Variants in RYR2 observed in about 807,000 individuals in gnomAD.
RYR2 encodes the protein ryanodine receptor 2, also known as cardiac muscle ryanodine receptor-calcium release channel.
In RYR2, 227 loss-of-function variants were observed where a neutral mutation model predicts 601.1. The observed-to-expected ratio is 0.38, with a 90% CI of 0.34 to 0.42. The LOEUF is 0.42. Among genes scored for constraint, RYR2 ranks in the 10% least tolerant of loss-of-function variants. RYR2 has a pLI of 1.00. For synonymous variants in RYR2, 2,223 were observed against 2,175.1 expected (o/e 1.02, Z -0.61); for missense variants, 4,646 against 6,156.5 (o/e 0.75, Z 8.21).
intron 1 of RYR2, among the ~76,000 whole-genome samples, chr1:237,098,413 G>T (rs1459227984): frequency 6.6e-6 from 1 of 151,952 alleles, no homozygotes; most frequent in African/African-American, 2.4e-5. Flanking sequence ...GTGTGTGTGT[G>T]TGTGTGTGTG....
At chr1:237,249,511 A>G (rs1306542465) in intron 1 of RYR2, among the ~76,000 whole-genome samples, 1 of 152,190 alleles carries the variant, frequency 6.6e-6, no homozygotes, top group African/African-American at 2.4e-5. Context: ...TTTGATCTTT[A>G]TGGTAATTAT....
At chr1:237,284,447 T>G (rs916834110) in intron 2 of RYR2, among the ~76,000 whole-genome samples, 2 of 99,142 alleles carry the variant, frequency 2.0e-5, no homozygotes, top group African/African-American at 1.1e-4. Context: ...TCATTCCTTT[T>G]TATGGCTGCA....
At chr1:237,410,516 C>G (rs889483201) in intron 10 of RYR2, among the ~76,000 whole-genome samples, 4 of 152,204 alleles carry the variant, frequency 2.6e-5, no homozygotes, top group Admixed American at 2.6e-4. Flanking sequence ...AGGTCAAATC[C>G]AGCCCACTGC....
At chr1:237,591,610 A>G (rs1675210062) in intron 31 of RYR2, 129 bp from the exon 32 acceptor site, 19 of 700,554 alleles carry the variant, frequency 2.7e-5, no homozygotes, top group Non-Finnish European at 4.8e-5. Flanking sequence ...GTATTTTCAG[A>G]TATTCCCAGA....
At position 237,705,280 on chromosome 1, in the gene RYR2, A is replaced by G. The variant is rs1688278594; in HGVS notation, c.9517A>G (p.Thr3173Ala). 1 of 1,605,016 alleles carries G rather than the reference A, an allele frequency of 6.2e-7. No homozygotes were observed. Among genetic ancestry groups the G allele is most frequent in the South Asian group, 1.1e-5 (1 of 89,410 alleles). Reference protein sequence around the residue: ...AGAFPVAFLETHLDKHNIYSI... With the variant: ...AGAFPVAFLEAHLDKHNIYSI... Reference sequence around the variant, plus strand: ...TGCTTTTCCTGTAGCATTTTTGGAAACTCATCTGGACAAACATAATATTTA... The same window carrying G: ...TGCTTTTCCTGTAGCATTTTTGGAAGCTCATCTGGACAAACATAATATTTA... The change falls in exon 67 of 105, where the codon ACT becomes GCT. Residue 3173 changes from threonine to alanine, a missense_variant. Thr to Ala is a moderately conservative substitution (Grantham distance 58). Coordinates refer to ENST00000366574, the MANE Select transcript of RYR2 (RefSeq NM_001035.3).
In RYR2 at chr1:237,757,755, T is replaced by G; in HGVS notation, c.11304T>G (p.Gly3768=). Residue 3768 remains glycine (G), a synonymous_variant, in exon 82 of 105, where the codon GGT becomes GGG. Transcript: ENST00000366574. ...TLKLGIAILN[G]GNSTVQQKML... The stretch of plus-strand genomic sequence containing the variant: ...AACTTGGAATTGCTATTTTAAATGG[T>G]GGGAACTCCACAGTACAGCAGGTAA... 6.2e-7 allele frequency: 1 copy of G among 1,610,006 alleles called. No individual in the cohort carries two copies. The highest frequency in any genetic ancestry group is 8.5e-7 in the Non-Finnish European group (1 of 1,176,396).
At chr1:237,647,900 A>C (rs2148786478) in intron 48 of RYR2, among the ~76,000 whole-genome samples, 1 of 152,372 alleles carries the variant, frequency 6.6e-6, no homozygotes, top group South Asian at 2.1e-4. Flanking sequence ...TAGAGAAAGC[A>C]ATATGACCCT....
Position 237,477,167 on chromosome 1 carries a change from C to T in RYR2, c.1708+7980C>T, listed in dbSNP as rs182354084. Among the ~76,000 whole-genome samples, 643 of 152,160 alleles carry T rather than the reference C, an allele frequency of 4.2e-3. 9 individuals carry two copies. Among genetic ancestry groups the T allele is most frequent in the African/African-American group, 0.014 (596 of 41,510 alleles). On this transcript the variant is annotated intron_variant, in intron 17 of 104. Coordinates refer to ENST00000366574, the MANE Select transcript of RYR2 (RefSeq NM_001035.3). The stretch of plus-strand genomic sequence containing the variant: ...CAGCACTTTGGGAGGCCGAGGCAGG[C>T]GGATCACGAGGTCAAGAGATGGAGA...
intron 1 of RYR2, among the ~76,000 whole-genome samples, chr1:237,253,531 T>A (rs780559488): frequency 1.3e-5 from 2 of 152,208 alleles, no homozygotes. Context: ...CAAAACCTAG[T>A]CCTAAAACTT....
chr1:237,245,224 A>G (rs889374256), intron 1 of RYR2, among the ~76,000 whole-genome samples: 2 of 151,926 alleles, frequency 1.3e-5, no homozygotes, highest in Non-Finnish European at 2.9e-5. Context: ...CTTTGGAAAA[A>G]AAAAAAAAGA....
chr1:237,474,451 A>C (rs948457978), intron 17 of RYR2, among the ~76,000 whole-genome samples: 9 of 151,910 alleles, frequency 5.9e-5, no homozygotes, highest in Non-Finnish European at 1.2e-4. Flanking sequence ...AGTGATTAAG[A>C]AGTCAGAGTG....
chr1:237,225,528 T>C (rs1199841961), intron 1 of RYR2, among the ~76,000 whole-genome samples: 1 of 152,182 alleles, frequency 6.6e-6, no homozygotes, highest in African/African-American at 2.4e-5. Context: ...ACCTCCCCCA[T>C]GATTCAGTTA....
rs374971271 is a variant in RYR2, at chr1:237,131,031, A to T, written c.48+88462A>T. On this transcript the variant is annotated intron_variant, in intron 1 of 104. Transcript: ENST00000366574. ...AGCTTTACACCAAGTAAAAAGCAACACTATTGTACTGCTGAGGAGGGGCAA... is the reference window on the plus strand; with the variant it reads ...AGCTTTACACCAAGTAAAAAGCAACTCTATTGTACTGCTGAGGAGGGGCAA... Among the ~76,000 whole-genome samples the T allele has an allele frequency of 7.8e-4, 119 of 152,210 alleles. 2 individuals are homozygous for T. The highest frequency in any genetic ancestry group is 2.8e-3 in the African/African-American group (116 of 41,528).
chr1:237,225,394 C>T (rs547121045), intron 1 of RYR2, among the ~76,000 whole-genome samples: 6 of 152,088 alleles, frequency 3.9e-5, no homozygotes, highest in East Asian at 3.9e-4. Flanking sequence ...TGGCAGAGGG[C>T]GAAAGGCACG....
intron 56 of RYR2, among the ~76,000 whole-genome samples, chr1:237,661,741 C>T (rs1683822304): frequency 6.6e-6 from 1 of 152,068 alleles, no homozygotes; most frequent in Non-Finnish European, 1.5e-5. Context: ...ACAGGCAGAG[C>T]AAGAATTCAC....
chr1:237,054,338 C>G (rs1436839390), intron 1 of RYR2, among the ~76,000 whole-genome samples: 7 of 147,622 alleles, frequency 4.7e-5, no homozygotes, highest in African/African-American at 1.0e-4. Context: ...CCCCTCCCCC[C>G]CTCCCTCCAT....
In RYR2 at chr1:237,275,100, A is replaced by G. The variant is rs527379269; in HGVS notation, c.168+4484A>G. Among the ~76,000 whole-genome samples the G allele has an allele frequency of 1.8e-3, 268 of 152,102 alleles. 1 individual carries two copies. Among genetic ancestry groups the G allele is most frequent in the African/African-American group, 6.1e-3 (252 of 41,486 alleles). Reference sequence around the variant, plus strand: ...CACACACACACATACACGCACACACACACACACACACATACACACCGCACA... The same window carrying G: ...CACACACACACATACACGCACACACGCACACACACACATACACACCGCACA... On this transcript the variant is annotated intron_variant, in intron 2 of 104. Transcript: ENST00000366574.
chr1:237,354,870 A>G (rs1382667583), intron 3 of RYR2, among the ~76,000 whole-genome samples: 2 of 152,178 alleles, frequency 1.3e-5, no homozygotes, highest in Non-Finnish European at 2.9e-5. Context: ...AAGAAGGCAA[A>G]ATGCTCTGTT....
chr1:237,739,986 C>A (rs2149202376), intron 79 of RYR2, among the ~76,000 whole-genome samples: 1 of 152,288 alleles, frequency 6.6e-6, no homozygotes, highest in East Asian at 1.9e-4. Context: ...TTATTCCACA[C>A]CTGCCCCTTT....
Sources: gnomAD v4.1 joint callset for allele counts (sites outside exome capture counted in the v4.1 genomes callset) on GRCh38, gnomAD v4.1.1 for gene constraint, MANE v1.5 for transcripts, NCBI Gene and HGNC (gene_info 2026-07-23, HGNC 2026-07-21) for gene names.